The following HECTD4 variants were observed in gnomAD, a reference collection of about 807,000 sequenced individuals.
HECTD4 encodes probable E3 ubiquitin-protein ligase HECTD4.
A neutral mutation model predicts 471.5 loss-of-function variants in HECTD4; 114 were observed. The ratio of observed to expected loss-of-function variants is 0.24; its 90% CI spans 0.21 to 0.28. HECTD4 has a LOEUF of 0.28. Ranked by LOEUF, HECTD4 falls within the 10% of genes least tolerant of loss-of-function variation. The pLI is 1.00. For synonymous variants in HECTD4, 2,012 were observed against 2,256.0 expected, an observed-to-expected ratio of 0.89 and a Z score of 3.07; for missense variants, 3,866 against 5,651.5, an observed-to-expected ratio of 0.68 and a Z score of 10.13.
At chr12:112,231,442 A>C in intron 39 of HECTD4, 71 bp downstream of exon 39, 1 of 1,447,332 alleles carries the variant, frequency 6.9e-7, no homozygotes, top group Non-Finnish European at 9.7e-7. Flanking sequence ...AAAATTAAAA[A>C]GCTAAAAACA....
intron 9 of HECTD4, among the ~76,000 whole-genome samples, chr12:112,277,910 G>A: frequency 6.6e-6 from 1 of 151,970 alleles, no homozygotes; most frequent in East Asian, 1.9e-4. Context: ...ATTTCCCCAA[G>A]ATAATAGTTA....
intron 1 of HECTD4, among the ~76,000 whole-genome samples, chr12:112,334,850 AT>A (rs2035918049): frequency 6.6e-6 from 1 of 151,798 alleles, no homozygotes; most frequent in African/African-American, 2.4e-5. Flanking sequence ...AAATTAAAAA[AT>A]AATACACGTT....
In HECTD4 at chr12:112,252,474, T is replaced by G. The variant is rs752544296; in HGVS notation, c.3502A>C (p.Asn1168His). The change falls in exon 23 of 76, where the codon AAC (asparagine) becomes CAC (histidine). Residue 1168 changes from asparagine (N) to histidine (H), a missense_variant. Physicochemically the swap from Asn to His is moderately conservative, Grantham distance 68 (BLOSUM62 1). Around this residue, in one of 16 missense-constraint regions of HECTD4, gnomAD observed 281 missense variants for 499.9 expected, o/e 0.56. Transcript: ENST00000682272. Reference protein sequence around the residue: ...SFEMRSGREHNTPDKAMWGFA... With the variant: ...SFEMRSGREHHTPDKAMWGFA... Reference sequence around the variant, plus strand: ...CCCCACATGGCTTTATCAGGAGTGTTGTGTTCACGGCCACTTCTCATTTCA... The same window carrying G: ...CCCCACATGGCTTTATCAGGAGTGTGGTGTTCACGGCCACTTCTCATTTCA... 3 of 1,612,904 alleles carry G rather than the reference T, an allele frequency of 1.9e-6. No homozygotes were observed. Among genetic ancestry groups the G allele is most frequent in the Non-Finnish European group, 2.5e-6 (3 of 1,179,486 alleles).
chr12:112,231,624 C>T lies in HECTD4; in HGVS notation c.6089G>A (p.Gly2030Glu), dbSNP rs1353099170. 2.5e-6 allele frequency: 4 copies of T among 1,613,910 alleles called. No individual in the cohort carries two copies. The East Asian group carries it at 8.9e-5, about 36-fold the overall frequency. Residue 2030 changes from glycine (G) to glutamate (E), a missense_variant, in exon 39 of 76, where the codon GGG becomes GAG. Physicochemically the swap from Gly to Glu is moderately conservative, Grantham distance 98. Around this residue, in one of 16 missense-constraint regions of HECTD4, gnomAD observed 617 missense variants for 915.1 expected, o/e 0.67. Coordinates refer to ENST00000682272, the MANE Select transcript of HECTD4 (RefSeq NM_001388303.1). The stretch of plus-strand genomic sequence containing the variant: ...TGGGTTGATAGACTCTACAGGTGGC[C>T]CAATGCTGACGATGAGGCCTGACTG... ...WAQSGLIVSIGPPVESINPET... is the reference protein window; with the variant it reads ...WAQSGLIVSIEPPVESINPET...
At position 112,184,416 on chromosome 12, in the gene HECTD4, T is replaced by A; in HGVS notation, c.10550A>T (p.Glu3517Val). The change falls in exon 61 of 76, where the codon GAG (glutamate) becomes GTG (valine). Residue 3517 changes from glutamate to valine, a missense_variant. Physicochemically the swap from Glu to Val is moderately radical, Grantham distance 121 (BLOSUM62 -2). Transcript: ENST00000682272. The surrounding 1 kb of genome is among the most constrained non-coding windows in gnomAD (Gnocchi z 9.1). Reference sequence around the variant, plus strand: ...CAACAGGCCCGGAGGGATGGGCAGCTCGAGGCCGGCAGGCAGCGGATCCAC... The same window carrying A: ...CAACAGGCCCGGAGGGATGGGCAGCACGAGGCCGGCAGGCAGCGGATCCAC... ...LSVDPLPAGL[E>V]LPIPPGLLEP... 6.2e-7 allele frequency: 1 copy of A among 1,606,130 alleles called. No homozygotes were observed. Among genetic ancestry groups the A allele is most frequent in the African/African-American group, 1.3e-5 (1 of 74,958 alleles).
At chr12:112,168,850 T>A (rs2031092158) in intron 70 of HECTD4, among the ~76,000 whole-genome samples, 1 of 152,190 alleles carries the variant, frequency 6.6e-6, no homozygotes, top group South Asian at 2.1e-4. Flanking sequence ...GGGCTGTCAG[T>A]GAACCAGAGT....
In HECTD4 at chr12:112,319,129, A is replaced by T. The variant is rs540059013; in HGVS notation, c.695+96T>A. ...AGCAAAGAAGGACTTCTGAATGTTA[A>T]GACTTCTATCAAATATACTTGGCCT... On this transcript the variant is annotated intron_variant, in intron 2 of 75. Coordinates refer to ENST00000682272, the MANE Select transcript of HECTD4 (RefSeq NM_001388303.1). This position sits in a 1 kb window ranked among gnomAD's most constrained non-coding sequence, Gnocchi z 5.3. The T allele has an allele frequency of 4.9e-6, 6 of 1,214,534 alleles. No individual in the cohort carries two copies. In the African/African-American group the frequency reaches 9.1e-5, roughly 18 times the overall value. The allele number at this position is 1,214,534 out of a possible 1,614,324, so 75.2% of individuals were successfully genotyped here.
rs777105647 is a variant in HECTD4, at chr12:112,179,413, G to A, written c.10988-16C>T. The A allele has an allele frequency of 6.9e-6, 11 of 1,597,174 alleles. No individual in the cohort carries two copies. Among genetic ancestry groups the A allele is most frequent in the Non-Finnish European group, 8.5e-6 (10 of 1,169,742 alleles). ...AGCTTCTCCCCTGTTGGATGGAGAG[G>A]GGGCAAAACAATTCTGCCGTGAACA... On this transcript the variant is annotated splice_polypyrimidine_tract_variant and intron_variant, in intron 62 of 75. Transcript: ENST00000682272. The surrounding 1 kb of genome is among the most constrained non-coding windows in gnomAD (Gnocchi z 4.3).
chr12:112,198,973 G>A (rs971098387), intron 55 of HECTD4, among the ~76,000 whole-genome samples: 5 of 152,214 alleles, frequency 3.3e-5, no homozygotes, highest in Non-Finnish European at 7.3e-5. Context: ...GGAGCATGGT[G>A]ATGCTTGTAA....
At chr12:112,244,113 C>T (rs1474934793) in intron 29 of HECTD4, 104 bp from the exon 30 acceptor site, 8 of 1,191,566 alleles carry the variant, frequency 6.7e-6, no homozygotes, top group Non-Finnish European at 9.5e-6. Flanking sequence ...TGCTTTCTAT[C>T]ACAGTTCAGC....
intron 21 of HECTD4, 53 bp from the exon 22 acceptor site, chr12:112,254,215 T>A: frequency 6.3e-7 from 1 of 1,592,550 alleles, no homozygotes; most frequent in South Asian, 1.1e-5. Context: ...AAAAACAACA[T>A]CTACAAATAA....
chr12:112,299,005 G>A (rs188834254), intron 7 of HECTD4, among the ~76,000 whole-genome samples: 1 of 152,198 alleles, frequency 6.6e-6, no homozygotes, highest in East Asian at 1.9e-4. Context: ...AGATATCTAT[G>A]TTTAGCTTCC....
At chr12:112,315,695 AATTATTACCTGCC>A (rs2035463895) in intron 2 of HECTD4, among the ~76,000 whole-genome samples, 1 of 152,096 alleles carries the variant, frequency 6.6e-6, no homozygotes, top group Admixed American at 6.5e-5. Context: ...AACTCTAAGG[AATTATTACCTGCC>A]AGATTCAATC....
At chr12:112,259,982 A>C (rs2034108496) in intron 18 of HECTD4, among the ~76,000 whole-genome samples, 1 of 151,986 alleles carries the variant, frequency 6.6e-6, no homozygotes, top group Non-Finnish European at 1.5e-5. Flanking sequence ...CATAGCACAA[A>C]ATTTACCATC....
chr12:112,203,960 G>A (rs1448599998), intron 53 of HECTD4, among the ~76,000 whole-genome samples, 188 bp from the exon 54 acceptor site: 2 of 152,210 alleles, frequency 1.3e-5, no homozygotes, highest in East Asian at 3.8e-4. Flanking sequence ...ACTCAGTCTG[G>A]AAGGTAATAT....
intron 67 of HECTD4, among the ~76,000 whole-genome samples, chr12:112,172,096 T>C (rs2031244599): frequency 6.6e-6 from 1 of 151,882 alleles, no homozygotes; most frequent in South Asian, 2.1e-4. Flanking sequence ...AGAGATGGGG[T>C]TTCTCCATGT....
At chr12:112,278,033 T>C (rs1181536451) in intron 9 of HECTD4, among the ~76,000 whole-genome samples, 1 of 152,198 alleles carries the variant, frequency 6.6e-6, no homozygotes, top group Non-Finnish European at 1.5e-5. Flanking sequence ...TAATAAGTGG[T>C]ATTTTGCTAC....
intron 7 of HECTD4, among the ~76,000 whole-genome samples, chr12:112,284,796 A>G (rs1396237094): frequency 6.6e-6 from 1 of 151,882 alleles, no homozygotes; most frequent in Non-Finnish European, 1.5e-5. Flanking sequence ...CTGATTCCTT[A>G]GTGTTGGTGG....
rs369333071 is a variant in HECTD4, at chr12:112,216,813, C to T, written c.7345G>A (p.Gly2449Arg). ...GTGCCCACTGGATTAGTCCAAGCCC[C>T]ATCTCGCTTCTCTGCTTCTGTAGTG... ...GFTTEAEKRD[G>R]AWTNPVGTCL... Residue 2449 changes from glycine (G) to arginine (R), a missense_variant, in exon 47 of 76, where the codon GGG (glycine) becomes AGG (arginine). Physicochemically the swap from Gly to Arg is moderately radical, Grantham distance 125 (BLOSUM62 -2). Transcript: ENST00000682272. 8 of 1,613,896 alleles carry T rather than the reference C, an allele frequency of 5.0e-6. No individual in the cohort carries two copies. The highest frequency in any genetic ancestry group is 5.9e-6 in the Non-Finnish European group (7 of 1,179,906).
Sources: gnomAD v4.1 joint callset for allele counts (sites outside exome capture counted in the v4.1 genomes callset) on GRCh38, gnomAD v4.1.1 for gene constraint, gnomAD v4.1.1 regional missense constraint, Gnocchi (gnomAD v3.1) non-coding constraint, MANE v1.5 for transcripts, NCBI Gene and HGNC (gene_info 2026-07-23, HGNC 2026-07-21) for gene names.